The following FNTB variants were observed in gnomAD, a reference collection of about 807,000 sequenced individuals.
FNTB encodes protein farnesyltransferase subunit beta.
Under a neutral mutation model 59.4 loss-of-function variants are expected in FNTB, and 27 were observed. The ratio of observed to expected loss-of-function variants is 0.45; its 90% CI spans 0.34 to 0.63. The LOEUF is 0.63. Ranked by LOEUF, FNTB falls within the 20% of genes least tolerant of loss-of-function variation. The pLI, the probability that FNTB is intolerant of heterozygous loss-of-function variation, is 0.02. For missense variants in FNTB, 449 were observed against 559.6 expected (o/e 0.80, Z 1.99); for synonymous variants, 230 against 220.7 (o/e 1.04, Z -0.37).
In FNTB at chr14:65,061,344, C is replaced by A; in HGVS notation, c.*32C>A. The stretch of plus-strand genomic sequence containing the variant: ...TGGGTCCCGGCAGCTCTTTGCTCAC[C>A]CATCTCCCCAGTCAGACAAGGTTTA... On this transcript the variant is annotated 3_prime_UTR_variant, in exon 12 of 12. Transcript: ENST00000246166. 6.2e-7 allele frequency: 1 copy of A among 1,612,418 alleles called. No homozygotes were observed. Among genetic ancestry groups the A allele is most frequent in the South Asian group, 1.1e-5 (1 of 90,972 alleles).
At chr14:65,060,956 G>A (rs181098797) in intron 11 of FNTB, among the ~76,000 whole-genome samples, 3 of 150,106 alleles carry the variant, frequency 2.0e-5, no homozygotes, top group Admixed American at 1.3e-4. Context: ...GTATTTGCCT[G>A]TATCGTTAAA....
At chr14:64,996,299 A>G (rs113569403) in intron 1 of FNTB, among the ~76,000 whole-genome samples, 1 of 152,140 alleles carries the variant, frequency 6.6e-6, no homozygotes, top group African/African-American at 2.4e-5. Context: ...TAAGAAAGAA[A>G]GAAAGACAGA....
chr14:65,041,499 C>T (rs1308643154), intron 8 of FNTB, among the ~76,000 whole-genome samples: 1 of 152,172 alleles, frequency 6.6e-6, no homozygotes, highest in Non-Finnish European at 1.5e-5. Context: ...ACACACACAC[C>T]TCCACGGCCA....
intron 1 of FNTB, among the ~76,000 whole-genome samples, chr14:64,989,029 G>A (rs966133304): frequency 2.6e-5 from 4 of 152,008 alleles, no homozygotes; most frequent in Non-Finnish European, 4.4e-5. Flanking sequence ...ACATTGGTAG[G>A]TTAATGATAC....
rs2062433931 is a variant in FNTB, at chr14:65,044,627, G to C, written c.955+184G>C. 1.1e-6 allele frequency: 1 copy of C among 875,748 alleles called. No homozygotes were observed. The allele number at this position is 875,748 out of a possible 1,614,324, so 54.2% of individuals were successfully genotyped here. A position where few individuals can be genotyped will look rare whatever the true frequency, so the allele number is the denominator to read the frequency against. ...ATGCAGAGTAAGATTTAGTTTCATTGGTTTAGTGTCATTCTTTGCTTCTTC... is the reference window on the plus strand; with the variant it reads ...ATGCAGAGTAAGATTTAGTTTCATTCGTTTAGTGTCATTCTTTGCTTCTTC... On this transcript the variant is annotated intron_variant, in intron 9 of 11. Transcript: ENST00000246166. This position sits in a 1 kb window ranked among gnomAD's most constrained non-coding sequence, Gnocchi z 5.5.
intron 4 of FNTB, among the ~76,000 whole-genome samples, chr14:65,017,480 A>G (rs1023717112): frequency 2.0e-5 from 3 of 152,076 alleles, no homozygotes; most frequent in Non-Finnish European, 4.4e-5. Flanking sequence ...CTCGAGCCAA[A>G]ATCGACTGAG....
In FNTB at chr14:65,031,077, G is replaced by A. The variant is rs1337475586; in HGVS notation, c.606-1533G>A. Among the ~76,000 whole-genome samples the A allele has an allele frequency of 6.6e-6, 1 of 152,032 alleles. No individual in the cohort carries two copies. Among genetic ancestry groups the A allele is most frequent in the African/African-American group, 2.4e-5 (1 of 41,414 alleles). On this transcript the variant is annotated intron_variant, in intron 6 of 11. Transcript: ENST00000246166. This position sits in a 1 kb window ranked among gnomAD's most constrained non-coding sequence, Gnocchi z 4.6. ...CCTGCCTTAGCCTCCCAAAGTGCTGGGATTACAGGCATGAGCTACCATGCC... is the reference window on the plus strand; with the variant it reads ...CCTGCCTTAGCCTCCCAAAGTGCTGAGATTACAGGCATGAGCTACCATGCC...
chr14:65,057,266 T>A (rs2062756497), intron 11 of FNTB, among the ~76,000 whole-genome samples: 2 of 152,162 alleles, frequency 1.3e-5, no homozygotes, highest in Non-Finnish European at 2.9e-5. Context: ...GTTTTTTTGT[T>A]AAATAGAAGA....
intron 1 of FNTB, chr14:65,003,360 G>C (rs1449671790): frequency 6.6e-6 from 1 of 152,136 alleles, no homozygotes; most frequent in African/African-American, 2.4e-5. Flanking sequence ...AGAGTGGTGA[G>C]TTAATGAACA....
At chr14:65,038,346 G>T (rs2062262805) in intron 7 of FNTB, among the ~76,000 whole-genome samples, 1 of 151,760 alleles carries the variant, frequency 6.6e-6, no homozygotes. Context: ...GGAGGCAGAG[G>T]TTGCAGTGAG....
chr14:64,988,151 G>C (rs1288450682), intron 1 of FNTB, among the ~76,000 whole-genome samples: 1 of 152,028 alleles, frequency 6.6e-6, no homozygotes, highest in Non-Finnish European at 1.5e-5. Flanking sequence ...CAGAAACAAG[G>C]GCTTGATACG....
intron 4 of FNTB, among the ~76,000 whole-genome samples, chr14:65,016,146 T>C (rs2061769665): frequency 6.6e-6 from 1 of 152,146 alleles, no homozygotes; most frequent in Non-Finnish European, 1.5e-5. Context: ...CCGCTCCCGG[T>C]GCTTGGAGCG....
chr14:65,035,227 G>A (rs976315161), intron 7 of FNTB, among the ~76,000 whole-genome samples: 2 of 152,156 alleles, frequency 1.3e-5, no homozygotes, highest in African/African-American at 4.8e-5. Flanking sequence ...CTGCCGCCCT[G>A]GGCTATGGCT....
At position 64,994,519 on chromosome 14, in the gene FNTB, A is replaced by G. The variant is rs1332443295; in HGVS notation, c.144+7422A>G. Among the ~76,000 whole-genome samples the G allele has an allele frequency of 1.3e-5, 2 of 152,244 alleles. No homozygotes were observed. The highest frequency in any genetic ancestry group is 2.1e-4 in the South Asian group (1 of 4,838). ...GCTTGTTGCTCCTAGGCTACAGGCT[A>G]CAAACCTACACAGTATGTTACTGTA... On this transcript the variant is annotated intron_variant, in intron 1 of 11. Transcript: ENST00000246166. The surrounding 1 kb of genome is among the most constrained non-coding windows in gnomAD (Gnocchi z 4.2).
At chr14:65,005,634 C>T (rs112183668) in intron 2 of FNTB, among the ~76,000 whole-genome samples, 10 of 150,994 alleles carry the variant, frequency 6.6e-5, no homozygotes, top group East Asian at 1.9e-4. Flanking sequence ...CTGTCCTGTC[C>T]GGTCCTGCCC....
At chr14:65,013,481 A>T (rs1427559000) in intron 3 of FNTB, among the ~76,000 whole-genome samples, 1 of 152,182 alleles carries the variant, frequency 6.6e-6, no homozygotes, top group Non-Finnish European at 1.5e-5. Context: ...CAAGTCCTCA[A>T]TAGTTATGTT....
In FNTB at chr14:65,028,775, A is replaced by AAC. The variant is rs2062028151; in HGVS notation, c.605+994_605+995insAC. ...ACCAGTAGAACGACTGAGGTAAATC[A>AAC]GTATGTGTTGATTCTTCTTAAGGAA... On this transcript the variant is annotated intron_variant, in intron 6 of 11. Transcript: ENST00000246166. The surrounding 1 kb of genome is among the most constrained non-coding windows in gnomAD (Gnocchi z 4.4). Among the ~76,000 whole-genome samples the AAC allele has an allele frequency of 6.6e-6, 1 of 152,238 alleles. No individual in the cohort carries two copies. The highest frequency in any genetic ancestry group is 6.5e-5 in the Admixed American group (1 of 15,280).
rs540466013 is a variant in FNTB at position 65,057,148 on chromosome 14, T to A, written c.1182+2459T>A. Among the ~76,000 whole-genome samples the A allele has an allele frequency of 1.1e-4, 16 of 152,270 alleles. No homozygotes were observed. The South Asian group carries it at 3.1e-3, about 30-fold the overall frequency. ...GATCCACCCCTCAAACCCAAACACA[T>A]TCCACAAACCCCACCTCTCAACATA... On this transcript the variant is annotated intron_variant, in intron 11 of 11. Coordinates refer to ENST00000246166, the MANE Select transcript of FNTB (RefSeq NM_002028.4).
Position 65,027,329 on chromosome 14 carries a change from A to G in FNTB, c.375-124A>G. 6.9e-7 allele frequency: 1 copy of G among 1,448,624 alleles called. No individual in the cohort carries two copies. Among genetic ancestry groups the G allele is most frequent in the South Asian group, 1.3e-5 (1 of 76,526 alleles). The allele number at this position is 1,448,624 out of a possible 1,614,324, so 89.7% of individuals were successfully genotyped here. A position where few individuals can be genotyped will look rare whatever the true frequency, so the allele number is the denominator to read the frequency against. On this transcript the variant is annotated intron_variant, in intron 4 of 11. Transcript: ENST00000246166. This position sits in a 1 kb window ranked among gnomAD's most constrained non-coding sequence, Gnocchi z 5.7. ...GAGGTTATATTCAACAAGTGGGAGG[A>G]GAGGTTCCCCTCAACTTTTGAGGGA...
Sources: gnomAD v4.1 joint callset for allele counts (sites outside exome capture counted in the v4.1 genomes callset) on GRCh38, gnomAD v4.1.1 for gene constraint, Gnocchi (gnomAD v3.1) non-coding constraint, MANE v1.5 for transcripts, NCBI Gene and HGNC (gene_info 2026-07-23, HGNC 2026-07-21) for gene names.